The following CCDC6 variants were observed in gnomAD, a reference collection of about 807,000 sequenced individuals.
CCDC6 encodes the protein coiled-coil domain containing 6.
Under a neutral mutation model 56.6 loss-of-function variants are expected in CCDC6, and 20 were observed. That is an observed-to-expected ratio of 0.35 (90% CI 0.25 to 0.51). CCDC6 has a LOEUF of 0.51. CCDC6 is among the 20% of genes least tolerant of loss of function. CCDC6 has a pLI of 0.95. For synonymous variants in CCDC6, 241 were observed against 234.4 expected (o/e 1.03, Z -0.26); for missense variants, 367 against 601.1 (o/e 0.61, Z 4.07).
At chr10:59,904,608 A>G (rs1029610881) in intron 1 of CCDC6, among the ~76,000 whole-genome samples, 5 of 152,242 alleles carry the variant, frequency 3.3e-5, no homozygotes, top group African/African-American at 1.2e-4. Flanking sequence ...AAAGCTGCAT[A>G]GGAGGCTTGG....
rs1180775232 is a variant in CCDC6 at position 59,906,518 on chromosome 10, G to A, written c.-94C>T. ...ATGAGTGGGCGCCGGGCGAGCACAGGGGAGCGCCGAGCTGAGCGCCTGGCA... is the reference window on the plus strand; with the variant it reads ...ATGAGTGGGCGCCGGGCGAGCACAGAGGAGCGCCGAGCTGAGCGCCTGGCA... On this transcript the variant is annotated 5_prime_UTR_variant, in exon 1 of 9. Transcript: ENST00000263102. 2.6e-6 allele frequency: 3 copies of A among 1,153,440 alleles called. No homozygotes were observed. Among genetic ancestry groups the A allele is most frequent in the Non-Finnish European group, 3.5e-6 (3 of 864,586 alleles). 71.5% of individuals were successfully genotyped at this position (1,153,440 alleles called of 1,614,324 possible). A position where few individuals can be genotyped will look rare whatever the true frequency, so the allele number is the denominator to read the frequency against.
At chr10:59,838,413 T>C (rs574653828) in intron 2 of CCDC6, among the ~76,000 whole-genome samples, 8 of 152,270 alleles carry the variant, frequency 5.3e-5, no homozygotes, top group African/African-American at 1.7e-4. Context: ...CTTCAATGGC[T>C]CCCTACTACC....
At position 59,804,716 on chromosome 10, in the gene CCDC6, A is replaced by AG. The variant is rs1390923193; in HGVS notation, c.1005-197dup. The AG allele has an allele frequency of 5.7e-6, 3 of 525,922 alleles. No individual in the cohort carries two copies. The Admixed American group carries it at 9.5e-5, about 17-fold the overall frequency. The allele number at this position is 525,922 out of a possible 1,614,324, so 32.6% of individuals were successfully genotyped here. ...CTGCTGTTTGACAAACCTCACTCCAAGGGTCACCAGTTGGGAGACCTAGGA... is the reference window on the plus strand; with the variant it reads ...CTGCTGTTTGACAAACCTCACTCCAAGGGGTCACCAGTTGGGAGACCTAGGA... On this transcript the variant is annotated intron_variant, in intron 6 of 8. Transcript: ENST00000263102.
intron 7 of CCDC6, among the ~76,000 whole-genome samples, chr10:59,796,585 A>C (rs990093622): frequency 6.6e-6 from 1 of 152,212 alleles, no homozygotes; most frequent in African/African-American, 2.4e-5. Flanking sequence ...TAGCAATCCC[A>C]CTTCTGGGTA....
At chr10:59,896,624 A>C (rs2071465869) in intron 1 of CCDC6, among the ~76,000 whole-genome samples, 1 of 152,106 alleles carries the variant, frequency 6.6e-6, no homozygotes, top group South Asian at 2.1e-4. Flanking sequence ...GAACAAAAAC[A>C]AACAAACAAA....
Position 59,841,323 on chromosome 10 carries a change from A to T in CCDC6, c.454-8670T>A, listed in dbSNP as rs1021891239. Among the ~76,000 whole-genome samples the T allele has an allele frequency of 2.0e-5, 3 of 152,312 alleles. No homozygotes were observed. In the East Asian group the frequency reaches 5.8e-4, roughly 29 times the overall value. On this transcript the variant is annotated intron_variant, in intron 2 of 8. Coordinates refer to ENST00000263102, the MANE Select transcript of CCDC6 (RefSeq NM_005436.5). ...GCTTAAGTATTACCTCAATGACTTG[A>T]ACTTACTTAGAACTTCAACTGTCCC...
chr10:59,829,267 C>T (rs544525410), intron 3 of CCDC6, among the ~76,000 whole-genome samples: 1 of 152,200 alleles, frequency 6.6e-6, no homozygotes, highest in Non-Finnish European at 1.5e-5. Context: ...ACAAACACAT[C>T]GTGACCAACT....
chr10:59,841,491 C>T (rs4948375), intron 2 of CCDC6, among the ~76,000 whole-genome samples: 78,199 of 151,862 alleles, frequency 0.51, 21,900 homozygotes, highest in African/African-American at 0.75. Context: ...GAATTCTAAT[C>T]ACTTACCTGT....
chr10:59,822,886 C>A (rs1219894137), intron 3 of CCDC6, among the ~76,000 whole-genome samples: 1 of 144,896 alleles, frequency 6.9e-6, no homozygotes, highest in Non-Finnish European at 1.5e-5. Flanking sequence ...TGTCCCACCC[C>A]ACCCTATGCT....
intron 3 of CCDC6, among the ~76,000 whole-genome samples, chr10:59,830,016 T>TA (rs1374497192): frequency 6.6e-6 from 1 of 152,226 alleles, no homozygotes; most frequent in Non-Finnish European, 1.5e-5. Flanking sequence ...CCCTGAACAC[T>TA]AGCCTGCGCT....
intron 1 of CCDC6, among the ~76,000 whole-genome samples, chr10:59,864,966 T>A (rs80264095): frequency 0.014 from 2,185 of 152,334 alleles, 59 homozygotes; most frequent in African/African-American, 0.05. Flanking sequence ...GTGATTCACA[T>A]CAACGATTAA....
intron 1 of CCDC6, among the ~76,000 whole-genome samples, chr10:59,895,218 C>T (rs1370892069): frequency 6.6e-6 from 1 of 152,190 alleles, no homozygotes; most frequent in African/African-American, 2.4e-5. Context: ...GGGAGGATCA[C>T]CTGAGCTTAA....
Position 59,788,836 on chromosome 10 carries a change from G to A in CCDC6, c.*4081C>T, listed in dbSNP as rs1374296536. On this transcript the variant is annotated 3_prime_UTR_variant, in exon 9 of 9. Transcript: ENST00000263102. ...ATCAAAGACTAATCAACATAAAGGA[G>A]TAAATAAGACATTAATTGAAAGTCT... 1 of 197,954 alleles carries A rather than the reference G, an allele frequency of 5.1e-6. No individual in the cohort carries two copies. The highest frequency in any genetic ancestry group is 1.0e-5 in the Non-Finnish European group (1 of 95,664). The allele number at this position is 197,954 out of a possible 1,614,324, so 12.3% of individuals were successfully genotyped here.
Position 59,814,770 on chromosome 10 carries a change from A to G in CCDC6, c.583-15T>C. On this transcript the variant is annotated splice_polypyrimidine_tract_variant and intron_variant, in intron 3 of 8. Coordinates refer to ENST00000263102, the MANE Select transcript of CCDC6 (RefSeq NM_005436.5). ...TCCCGTCTCAACTAAAGGAAGGAAAAAAGTGTTACCAAAGTGTCAGGCCAC... is the reference window on the plus strand; with the variant it reads ...TCCCGTCTCAACTAAAGGAAGGAAAGAAGTGTTACCAAAGTGTCAGGCCAC... The G allele has an allele frequency of 6.5e-7, 1 of 1,534,076 alleles. No homozygotes were observed. Among genetic ancestry groups the G allele is most frequent in the Non-Finnish European group, 9.0e-7 (1 of 1,107,314 alleles).
chr10:59,818,497 G>GGGGGC (rs2070725859), intron 3 of CCDC6, among the ~76,000 whole-genome samples: 1 of 103,484 alleles, frequency 9.7e-6, no homozygotes, highest in African/African-American at 4.8e-5. Flanking sequence ...AATGTTGACG[G>GGGGGC]GGGGGGGGGA....
At chr10:59,888,283 T>C (rs547408229) in intron 1 of CCDC6, among the ~76,000 whole-genome samples, 1 of 152,354 alleles carries the variant, frequency 6.6e-6, no homozygotes, top group African/African-American at 2.4e-5. Flanking sequence ...ATTTCTCAGC[T>C]AGAAGCTTCC....
At chr10:59,867,647 G>C (rs117753802) in intron 1 of CCDC6, among the ~76,000 whole-genome samples, 2 of 152,098 alleles carry the variant, frequency 1.3e-5, no homozygotes, top group East Asian at 1.9e-4. Flanking sequence ...TTGACTTCCC[G>C]GGCTTGAGTA....
intron 2 of CCDC6, among the ~76,000 whole-genome samples, chr10:59,841,726 G>T (rs2070941329): frequency 2.0e-5 from 3 of 150,356 alleles, no homozygotes; most frequent in South Asian, 4.2e-4. Context: ...GGAGTGCGTT[G>T]GCGTGATCTC....
chr10:59,886,383 A>G (rs1191647228), intron 1 of CCDC6, among the ~76,000 whole-genome samples: 1 of 152,196 alleles, frequency 6.6e-6, no homozygotes, highest in Non-Finnish European at 1.5e-5. Context: ...AAAGTGTTAT[A>G]CAGACAAGAA....
Sources: gnomAD v4.1 joint callset for allele counts (sites outside exome capture counted in the v4.1 genomes callset) on GRCh38, gnomAD v4.1.1 for gene constraint, MANE v1.5 for transcripts, NCBI Gene and HGNC (gene_info 2026-07-23, HGNC 2026-07-21) for gene names.